The following MALRD1 variants were observed in gnomAD, a reference collection of about 807,000 sequenced individuals.
MALRD1 encodes MAM and LDL receptor class A domain containing 1.
A neutral mutation model predicts 242.1 loss-of-function variants in MALRD1; 247 were observed. That is an observed-to-expected ratio of 1.02 (90% CI 0.92 to 1.13). MALRD1 has a LOEUF of 1.13. Ranked by LOEUF, MALRD1 falls within the 50% of genes most tolerant of loss-of-function variation. The probability of loss-of-function intolerance (pLI) is 0.00; values close to 1 mark genes in which losing one functional copy is unlikely to be tolerated. For synonymous variants in MALRD1, 995 were observed against 866.6 expected (o/e 1.15, Z -2.60); for missense variants, 2,989 against 2,533.1 (o/e 1.18, Z -3.86).
intron 32 of MALRD1, among the ~76,000 whole-genome samples, chr10:19,546,183 A>G (rs1471576256): frequency 2.0e-5 from 3 of 152,138 alleles, no homozygotes; most frequent in Non-Finnish European, 4.4e-5. Flanking sequence ...GTTGAATAAT[A>G]TTACTATGTG....
intron 12 of MALRD1, among the ~76,000 whole-genome samples, chr10:19,157,466 C>T (rs1174292789): frequency 6.6e-6 from 1 of 151,916 alleles, no homozygotes. Context: ...CCAGGATGGT[C>T]TCGATCTCCT....
intron 21 of MALRD1, among the ~76,000 whole-genome samples, chr10:19,301,034 C>T (rs184470134): frequency 2.6e-5 from 4 of 151,882 alleles, no homozygotes; most frequent in East Asian, 1.9e-4. Flanking sequence ...CAAATAATCC[C>T]GTTAGAAAAT....
chr10:19,413,783 A>G (rs1306598546), intron 28 of MALRD1, among the ~76,000 whole-genome samples: 1 of 151,778 alleles, frequency 6.6e-6, no homozygotes, highest in Non-Finnish European at 1.5e-5. Context: ...GGAGTTTGAG[A>G]CCAGCCTGGC....
At chr10:19,489,181 T>G (rs1047729901) in intron 29 of MALRD1, 12 of 471,412 alleles carry the variant, frequency 2.5e-5, no homozygotes, top group African/African-American at 2.0e-4. Context: ...CAGGTAAACC[T>G]GCTCCTGCAA....
At chr10:19,240,471 A>G (rs2131742820) in intron 18 of MALRD1, among the ~76,000 whole-genome samples, 1 of 152,164 alleles carries the variant, frequency 6.6e-6, no homozygotes, top group Non-Finnish European at 1.5e-5. Context: ...GATCATATAT[A>G]TAGATGTATA....
At chr10:19,269,719 C>A (rs988865576) in intron 19 of MALRD1, among the ~76,000 whole-genome samples, 1 of 152,198 alleles carries the variant, frequency 6.6e-6, no homozygotes, top group Admixed American at 6.5e-5. Context: ...TCTTTTAGTG[C>A]TCTTCTCTTC....
At chr10:19,064,589 A>C (rs1834914534) in intron 1 of MALRD1, among the ~76,000 whole-genome samples, 1 of 151,578 alleles carries the variant, frequency 6.6e-6, no homozygotes, top group Non-Finnish European at 1.5e-5. Context: ...TGTTGAGACT[A>C]TTTAGATGAA....
At chr10:19,729,562 G>A (rs2131936657) in intron 38 of MALRD1, among the ~76,000 whole-genome samples, 1 of 150,792 alleles carries the variant, frequency 6.6e-6, no homozygotes, top group Middle Eastern at 3.4e-3. Context: ...ATGTGTGTGT[G>A]TGTGTACACA....
intron 29 of MALRD1, chr10:19,491,252 T>C: frequency 1.5e-6 from 1 of 680,368 alleles, no homozygotes; most frequent in Non-Finnish European, 2.4e-6. Context: ...CAAATTTGAG[T>C]GTCTCATCCA....
intron 32 of MALRD1, among the ~76,000 whole-genome samples, chr10:19,544,345 A>T (rs181141741): frequency 6.6e-6 from 1 of 151,868 alleles, no homozygotes; most frequent in Non-Finnish European, 1.5e-5. Context: ...CTGCCACCAT[A>T]CCTGACTAAT....
intron 28 of MALRD1, among the ~76,000 whole-genome samples, chr10:19,415,715 G>T (rs544508945): frequency 2.0e-3 from 305 of 152,136 alleles, no homozygotes; most frequent in African/African-American, 7.1e-3. Flanking sequence ...TTTTTTAAAA[G>T]ACCCTAGGAC....
chr10:19,084,732 T>C (rs777426346), intron 2 of MALRD1, among the ~76,000 whole-genome samples: 1 of 152,056 alleles, frequency 6.6e-6, no homozygotes, highest in African/African-American at 2.4e-5. Context: ...TTTCATATTT[T>C]ATATACCTCC....
intron 36 of MALRD1, among the ~76,000 whole-genome samples, chr10:19,667,483 GT>G (rs1285117814): frequency 6.6e-6 from 1 of 152,074 alleles, no homozygotes; most frequent in Non-Finnish European, 1.5e-5. Context: ...TTGGGGCCTG[GT>G]GGGAGGTGTT....
intron 12 of MALRD1, among the ~76,000 whole-genome samples, chr10:19,157,967 T>C (rs1834238615): frequency 1.3e-5 from 2 of 152,220 alleles, no homozygotes; most frequent in Non-Finnish European, 2.9e-5. Context: ...TTCCTGCAGC[T>C]AATCATTGTT....
At chr10:19,626,066 G>A (rs1839637351) in intron 36 of MALRD1, among the ~76,000 whole-genome samples, 1 of 152,042 alleles carries the variant, frequency 6.6e-6, no homozygotes, top group Non-Finnish European at 1.5e-5. Context: ...TAGGTAATAA[G>A]CTTAAGAGAC....
intron 14 of MALRD1, among the ~76,000 whole-genome samples, chr10:19,191,136 A>T (rs1198245322): frequency 2.6e-5 from 4 of 152,218 alleles, no homozygotes; most frequent in Admixed American, 1.3e-4. Context: ...TCAAAAATAG[A>T]CAAAATATTT....
intron 36 of MALRD1, among the ~76,000 whole-genome samples, chr10:19,676,215 C>G (rs568184891): frequency 6.6e-6 from 1 of 152,160 alleles, no homozygotes. Context: ...GGACAAGATT[C>G]TAAAAGCTGT....
At chr10:19,387,384 G>C (rs1365144043) in intron 26 of MALRD1, 144 bp from the exon 27 acceptor site, 4 of 905,044 alleles carry the variant, frequency 4.4e-6, no homozygotes, top group Non-Finnish European at 4.8e-6. Context: ...GTGGGAGAGA[G>C]AGAGATGGGG....
chr10:19,700,789 T>C (rs755024448), intron 38 of MALRD1, among the ~76,000 whole-genome samples: 3 of 152,130 alleles, frequency 2.0e-5, no homozygotes, highest in Non-Finnish European at 4.4e-5. Flanking sequence ...GTCTTAGTGA[T>C]CTTTTGAGTC....
Sources: allele counts gnomAD v4.1 joint callset (sites outside exome capture counted in the v4.1 genomes callset), GRCh38; gene constraint gnomAD v4.1.1; transcripts MANE v1.5; gene names NCBI Gene and HGNC (gene_info 2026-07-23, HGNC 2026-07-21).